CD44: variants seen among roughly 807,000 people sequenced by gnomAD.
CD44 encodes CD44 molecule (IN blood group), also known as CD44 antigen.
CD44 carries 49 observed loss-of-function variants against 88.8 expected under a neutral mutation model. That is an observed-to-expected ratio of 0.55 (90% confidence interval 0.44 to 0.70). The LOEUF (loss-of-function observed/expected upper bound fraction) is 0.70. Among genes scored for constraint, CD44 ranks in the 30% least tolerant of loss-of-function variants. The pLI is 0.00. For missense variants in CD44, 883 were observed against 913.8 expected (o/e 0.97, Z 0.43); for synonymous variants, 325 against 312.3 (o/e 1.04, Z -0.43).
chr11:35,186,827 C>T lies in CD44; in HGVS notation c.368-5C>T. On this transcript the variant is annotated splice_region_variant and splice_polypyrimidine_tract_variant and intron_variant, in intron 3 of 17. Transcript: ENST00000428726. ...GGTTCTCATCCTTTTTTTCCTACCT[C>T]ATAGCTCCACCTGAAGAAGATTGTA... 1 of 1,590,300 alleles carries T rather than the reference C, an allele frequency of 6.3e-7. No homozygotes were observed. The highest frequency in any genetic ancestry group is 8.6e-7 in the Non-Finnish European group (1 of 1,158,514).
intron 14 of CD44, among the ~76,000 whole-genome samples, chr11:35,213,122 C>A (rs115728004): frequency 0.036 from 5,426 of 152,218 alleles, 293 homozygotes; most frequent in African/African-American, 0.12. Context: ...CCACGCCCAG[C>A]CATGAATTTA....
At chr11:35,191,440 A>G (rs1003725691) in intron 5 of CD44, among the ~76,000 whole-genome samples, 2 of 152,118 alleles carry the variant, frequency 1.3e-5, no homozygotes, top group African/African-American at 2.4e-5. Flanking sequence ...GCATCGGCTT[A>G]TTGTTGGTAG....
intron 3 of CD44, among the ~76,000 whole-genome samples, chr11:35,181,901 T>TATATATTATATATAATTCTATATATA: frequency 4.7e-5 from 3 of 63,716 alleles, no homozygotes; most frequent in Non-Finnish European, 8.2e-5. Flanking sequence ...TATAATATAA[T>TATATATTATATATAATTCTATATATA]ATATAATATA....
chr11:35,180,509 A>G (rs1565076889), intron 3 of CD44, 102 bp downstream of exon 3: 2 of 1,268,524 alleles, frequency 1.6e-6, no homozygotes, highest in East Asian at 2.3e-5. Context: ...TTTACATAAC[A>G]AATGCTCACT....
chr11:35,150,606 C>A (rs1860122556), intron 1 of CD44, among the ~76,000 whole-genome samples: 1 of 152,206 alleles, frequency 6.6e-6, no homozygotes, highest in African/African-American at 2.4e-5. Context: ...GTTGTGCTGA[C>A]TTTATACCCA....
chr11:35,215,547 T>C (rs1948762480), intron 15 of CD44, among the ~76,000 whole-genome samples: 1 of 152,152 alleles, frequency 6.6e-6, no homozygotes, highest in Non-Finnish European at 1.5e-5. Flanking sequence ...TTTACATGTA[T>C]TAGGTTGGGC....
intron 1 of CD44, among the ~76,000 whole-genome samples, chr11:35,165,317 A>T (rs1414192148): frequency 1.3e-5 from 2 of 152,130 alleles, no homozygotes; most frequent in East Asian, 3.9e-4. Flanking sequence ...ACCAGAGGGG[A>T]ATGGGGAAAA....
intron 1 of CD44, among the ~76,000 whole-genome samples, chr11:35,142,524 T>C (rs1858198542): frequency 6.6e-6 from 1 of 152,102 alleles, no homozygotes; most frequent in South Asian, 2.1e-4. Flanking sequence ...ACCTTTCTGC[T>C]CCCTTCTCTC....
At chr11:35,199,654 T>C (rs1342951203) in intron 7 of CD44, among the ~76,000 whole-genome samples, 2 of 147,706 alleles carry the variant, frequency 1.4e-5, no homozygotes, top group Admixed American at 1.3e-4. Flanking sequence ...TTTTAAGTGA[T>C]TTTTTTTTTA....
intron 15 of CD44, chr11:35,215,121 C>A (rs185318893): frequency 3.3e-4 from 129 of 393,928 alleles, no homozygotes; most frequent in Middle Eastern, 1.2e-3. Flanking sequence ...GGAGCCCAAG[C>A]ATTTGCATTT....
chr11:35,148,915 C>T (rs889102937), intron 1 of CD44, among the ~76,000 whole-genome samples: 2 of 151,732 alleles, frequency 1.3e-5, no homozygotes, highest in African/African-American at 4.8e-5. Flanking sequence ...TTTCATTTTT[C>T]TCTATTGCTA....
At chr11:35,184,839 T>C (rs923988190) in intron 3 of CD44, among the ~76,000 whole-genome samples, 27 of 152,240 alleles carry the variant, frequency 1.8e-4, no homozygotes, top group African/African-American at 6.5e-4. Context: ...GCGTGACCTG[T>C]ACATATTTGG....
At chr11:35,157,331 CTATCTAT>C (rs1413091419) in intron 1 of CD44, among the ~76,000 whole-genome samples, 2 of 148,160 alleles carry the variant, frequency 1.3e-5, no homozygotes, top group African/African-American at 5.0e-5. Context: ...GTCTATCTAT[CTATCTAT>C]CTATCTATCT....
chr11:35,222,604 T>C, intron 17 of CD44: 3 of 627,804 alleles, frequency 4.8e-6, no homozygotes, highest in Non-Finnish European at 5.9e-6. Flanking sequence ...ATATAATATA[T>C]ATATATATAT....
At chr11:35,201,493 C>T (rs1421820299) in intron 8 of CD44, 178 bp from the exon 9 acceptor site, 1 of 670,726 alleles carries the variant, frequency 1.5e-6, no homozygotes, top group East Asian at 2.7e-5. Context: ...AAATTCCAAG[C>T]CCATTGATTT....
At chr11:35,183,226 A>C (rs2133790938) in intron 3 of CD44, among the ~76,000 whole-genome samples, 2 of 152,220 alleles carry the variant, frequency 1.3e-5, no homozygotes, top group South Asian at 4.1e-4. Context: ...GGGAATATTT[A>C]TTGATCACCT....
chr11:35,161,650 A>G (rs115895979), intron 1 of CD44, among the ~76,000 whole-genome samples: 120 of 152,316 alleles, frequency 7.9e-4, no homozygotes, highest in African/African-American at 2.6e-3. Flanking sequence ...CACTTACACC[A>G]ATTCTACCCA....
At chr11:35,157,162 A>C (rs1981154) in intron 1 of CD44, among the ~76,000 whole-genome samples, 2 of 152,114 alleles carry the variant, frequency 1.3e-5, no homozygotes, top group Non-Finnish European at 2.9e-5. Flanking sequence ...ACATGGAGAC[A>C]CTGAATTTGG....
At chr11:35,201,908 A>C (rs1947353254) in intron 9 of CD44, 121 bp downstream of exon 9, 1 of 1,053,392 alleles carries the variant, frequency 9.5e-7, no homozygotes, top group African/African-American at 1.6e-5. Context: ...AATTTCTTTT[A>C]TTCTTAGAGC....
Sources: gnomAD v4.1 joint callset for allele counts (sites outside exome capture counted in the v4.1 genomes callset) on GRCh38, gnomAD v4.1.1 for gene constraint, MANE v1.5 for transcripts, NCBI Gene and HGNC (gene_info 2026-07-23, HGNC 2026-07-21) for gene names.